The following CACNA2D4 variants were observed in gnomAD, a reference collection of about 807,000 sequenced individuals.
CACNA2D4 encodes voltage-dependent calcium channel subunit alpha-2/delta-4.
CACNA2D4 carries 157 observed loss-of-function variants against 163.8 expected under a neutral mutation model. The ratio of observed to expected loss-of-function variants is 0.96; its 90% CI spans 0.84 to 1.09. The LOEUF is 1.09. CACNA2D4 is among the 50% of genes least tolerant of loss of function. The probability of loss-of-function intolerance (pLI) is 0.00; values close to 1 mark genes in which losing one functional copy is unlikely to be tolerated. For synonymous variants in CACNA2D4, 598 were observed against 586.9 expected (o/e 1.02, Z -0.27); for missense variants, 1,410 against 1,479.9 (o/e 0.95, Z 0.78).
Position 1,828,522 on chromosome 12 carries a change from T to A in CACNA2D4, c.2551+12217A>T, listed in dbSNP as rs886945. 3.9e-4 allele frequency among the ~76,000 whole-genome samples: 59 copies of A among 152,170 alleles called. No individual in the cohort carries two copies. The highest frequency in any genetic ancestry group is 6.9e-4 in the Non-Finnish European group (47 of 67,992). On this transcript the variant is annotated intron_variant, in intron 26 of 37. Transcript: ENST00000382722. This position sits in a 1 kb window ranked among gnomAD's most constrained non-coding sequence, Gnocchi z 4.2. The stretch of plus-strand genomic sequence containing the variant: ...CTGGGGTCCCCAACAGGAGAAGAGC[T>A]CTGCTGGAATGCAGGCCTGCTGAGT...
intron 23 of CACNA2D4, among the ~76,000 whole-genome samples, chr12:1,847,892 T>A (rs1768474989): frequency 6.6e-6 from 1 of 152,212 alleles, no homozygotes; most frequent in Admixed American, 6.5e-5. Context: ...ATGCCATTAT[T>A]ACACCTTAAA....
chr12:1,880,381 G>T (rs553465105), intron 13 of CACNA2D4, among the ~76,000 whole-genome samples: 1 of 152,250 alleles, frequency 6.6e-6, no homozygotes, highest in Admixed American at 6.5e-5. Context: ...AAGGCAGGCC[G>T]TGGTGCAGCT....
intron 26 of CACNA2D4, among the ~76,000 whole-genome samples, chr12:1,839,087 G>C (rs1376964580): frequency 6.6e-6 from 1 of 152,190 alleles, no homozygotes; most frequent in Non-Finnish European, 1.5e-5. Flanking sequence ...CCCCAACTCA[G>C]GATGGCCCTG....
chr12:1,826,408 C>A (rs898779687), intron 26 of CACNA2D4, among the ~76,000 whole-genome samples: 11 of 60,040 alleles, frequency 1.8e-4, no homozygotes, highest in Admixed American at 7.8e-4. Flanking sequence ...GAGCCCCCCC[C>A]CCCCCCCCGC....
At chr12:1,860,461 C>T (rs1446182311) in intron 18 of CACNA2D4, among the ~76,000 whole-genome samples, 2 of 152,258 alleles carry the variant, frequency 1.3e-5, no homozygotes, top group Middle Eastern at 3.2e-3. Context: ...CTGCCCATCA[C>T]GATAGCCCCT....
At chr12:1,914,961 T>C (rs1314997614) in intron 1 of CACNA2D4, 26 bp from the exon 2 acceptor site, 1 of 1,528,332 alleles carries the variant, frequency 6.5e-7, no homozygotes, top group East Asian at 2.2e-5. Flanking sequence ...AGGACACGCG[T>C]ATACACACAC....
chr12:1,802,008 T>G lies in CACNA2D4; in HGVS notation c.2722-364A>C, dbSNP rs1863349104. 6.8e-6 allele frequency among the ~76,000 whole-genome samples: 1 copy of G among 146,858 alleles called. No individual in the cohort carries two copies. The highest frequency in any genetic ancestry group is 1.5e-5 in the Non-Finnish European group (1 of 67,002). On this transcript the variant is annotated intron_variant, in intron 29 of 37. Coordinates refer to ENST00000382722, the MANE Select transcript of CACNA2D4 (RefSeq NM_172364.5). The surrounding 1 kb of genome is among the most constrained non-coding windows in gnomAD (Gnocchi z 4.7). ...AATGTTTTATGAAACTGGATTTGTTTTATATGCTGTGTGTGTGTGTGTGTG... is the reference window on the plus strand; with the variant it reads ...AATGTTTTATGAAACTGGATTTGTTGTATATGCTGTGTGTGTGTGTGTGTG...
intron 26 of CACNA2D4, among the ~76,000 whole-genome samples, chr12:1,840,274 A>G (rs968820566): frequency 1.3e-5 from 2 of 151,982 alleles, no homozygotes; most frequent in African/African-American, 2.4e-5. Context: ...ACCTAGAATA[A>G]AAGAGCTCTG....
intron 23 of CACNA2D4, among the ~76,000 whole-genome samples, chr12:1,847,576 A>C (rs1475809892): frequency 6.6e-6 from 1 of 152,130 alleles, no homozygotes; most frequent in Non-Finnish European, 1.5e-5. Flanking sequence ...TGGGCATGGG[A>C]GTCATAGGAC....
chr12:1,802,283 CCTAA>C lies in CACNA2D4; in HGVS notation c.2722-643_2722-640del, dbSNP rs1308903950. On this transcript the variant is annotated intron_variant, in intron 29 of 37. Transcript: ENST00000382722. This position sits in a 1 kb window ranked among gnomAD's most constrained non-coding sequence, Gnocchi z 4.7. ...CCTGTCTCCATTGCCCACCTGCCCT[CCTAA>C]CTGACCTCTCCTCTTGTCCCTGTGG... is the stretch of plus-strand genomic sequence containing the variant. Among the ~76,000 whole-genome samples the C allele has an allele frequency of 6.6e-6, 1 of 152,166 alleles. No homozygotes were observed. Among genetic ancestry groups the C allele is most frequent in the Non-Finnish European group, 1.5e-5 (1 of 68,036 alleles).
chr12:1,830,031 C>G (rs1437515733), intron 26 of CACNA2D4, among the ~76,000 whole-genome samples: 1 of 152,212 alleles, frequency 6.6e-6, no homozygotes, highest in African/African-American at 2.4e-5. Context: ...GGACCCCATG[C>G]TCGCTACGCA....
In CACNA2D4 at chr12:1,799,923, A is replaced by C; in HGVS notation, c.2974+77T>G. The C allele has an allele frequency of 6.7e-7, 1 of 1,481,524 alleles. No homozygotes were observed. Among genetic ancestry groups the C allele is most frequent in the Non-Finnish European group, 9.2e-7 (1 of 1,083,730 alleles). The allele number at this position is 1,481,524 out of a possible 1,614,324, so 91.8% of individuals were successfully genotyped here. On this transcript the variant is annotated intron_variant, in intron 33 of 37. Coordinates refer to ENST00000382722, the MANE Select transcript of CACNA2D4 (RefSeq NM_172364.5). The surrounding 1 kb of genome is among the most constrained non-coding windows in gnomAD (Gnocchi z 4.7). Reference sequence around the variant, plus strand: ...ACCTATCCCCACTGTCACCCACCCCACAGGGAATGGTCTCACGTTAGTGGA... The same window carrying C: ...ACCTATCCCCACTGTCACCCACCCCCCAGGGAATGGTCTCACGTTAGTGGA...
intron 3 of CACNA2D4, among the ~76,000 whole-genome samples, chr12:1,912,229 T>C (rs4765864): frequency 0.23 from 34,542 of 152,186 alleles, 4,130 homozygotes; most frequent in African/African-American, 0.27. Context: ...TTCTCCTGGC[T>C]GGTCTTACGA....
rs1374401270 is a variant in CACNA2D4 at position 1,806,672 on chromosome 12, GGGGAGGGTT to G, written c.2721+3597_2721+3605del. On this transcript the variant is annotated intron_variant, in intron 29 of 37. Transcript: ENST00000382722. The surrounding 1 kb of genome is among the most constrained non-coding windows in gnomAD (Gnocchi z 4.1). ...GAGATCCACAGCAGCCAGGAGGCCT[GGGGAGGGTT>G]CTCAACCCACCATGCACCCAGTCAC... 6.6e-6 allele frequency among the ~76,000 whole-genome samples: 1 copy of G among 152,178 alleles called. No individual in the cohort carries two copies. Among genetic ancestry groups the G allele is most frequent in the Admixed American group, 6.5e-5 (1 of 15,280 alleles).
At chr12:1,817,082 T>C (rs1432888098) in intron 26 of CACNA2D4, among the ~76,000 whole-genome samples, 1 of 152,240 alleles carries the variant, frequency 6.6e-6, no homozygotes, top group African/African-American at 2.4e-5. Context: ...GGAGACTGCG[T>C]GTTGCACGGG....
intron 12 of CACNA2D4, 129 bp downstream of exon 12, chr12:1,884,114 G>C (rs565895950): frequency 2.8e-6 from 2 of 705,890 alleles, no homozygotes; most frequent in South Asian, 1.8e-5. Flanking sequence ...TGAGGCTGCT[G>C]TTCTTGACAT....
In CACNA2D4 at chr12:1,918,617, G is replaced by A. The variant is rs1592758860; in HGVS notation, c.-144C>T. 1.1e-5 allele frequency: 7 copies of A among 619,926 alleles called. No homozygotes were observed. Among genetic ancestry groups the A allele is most frequent in the Middle Eastern group, 8.6e-4 (2 of 2,336 alleles). The allele number at this position is 619,926 out of a possible 1,614,324, so 38.4% of individuals were successfully genotyped here. On this transcript the variant is annotated 5_prime_UTR_variant, in exon 1 of 38. Coordinates refer to ENST00000382722, the MANE Select transcript of CACNA2D4 (RefSeq NM_172364.5). ...CACAGCTGCAGCTCACAGAAGAGTC[G>A]CCCCACCTAGCAAGCAGGCCTCGGA...
At chr12:1,809,598 T>C in intron 29 of CACNA2D4, 1 of 700,364 alleles carries the variant, frequency 1.4e-6, no homozygotes, top group Non-Finnish European at 2.6e-6. Flanking sequence ...GAGGCCCCTT[T>C]TGGAGCCCAG....
intron 26 of CACNA2D4, among the ~76,000 whole-genome samples, chr12:1,827,032 A>G (rs951334578): frequency 1.3e-5 from 2 of 152,184 alleles, no homozygotes; most frequent in Non-Finnish European, 2.9e-5. Flanking sequence ...TCTGGCAACC[A>G]AGGAAGGTCA....
Sources: gnomAD v4.1 joint callset for allele counts (sites outside exome capture counted in the v4.1 genomes callset) on GRCh38, gnomAD v4.1.1 for gene constraint, Gnocchi (gnomAD v3.1) non-coding constraint, MANE v1.5 for transcripts, NCBI Gene and HGNC (gene_info 2026-07-23, HGNC 2026-07-21) for gene names.